Variants in TSPAN5 observed in about 807,000 individuals in gnomAD.
TSPAN5 encodes tetraspanin-5.
A neutral mutation model predicts 37.1 loss-of-function variants in TSPAN5; 10 were observed. The ratio of observed to expected loss-of-function variants is 0.27; its 90% confidence interval spans 0.17 to 0.46. The LOEUF is 0.46. Among genes scored for constraint, TSPAN5 ranks in the 20% least tolerant of loss-of-function variants. The pLI is 1.00. For missense variants in TSPAN5, 195 were observed against 326.6 expected, an observed-to-expected ratio of 0.60 and a Z score of 3.11; for synonymous variants, 110 against 118.9, an observed-to-expected ratio of 0.93 and a Z score of 0.48.
intron 1 of TSPAN5, among the ~76,000 whole-genome samples, chr4:98,654,923 T>C (rs1022601879): frequency 1.3e-5 from 2 of 152,184 alleles, no homozygotes; most frequent in African/African-American, 4.8e-5. Flanking sequence ...CTTGCCTCAC[T>C]GCAATCTCCA....
At chr4:98,542,439 G>A (rs1052399096) in intron 1 of TSPAN5, among the ~76,000 whole-genome samples, 1 of 151,364 alleles carries the variant, frequency 6.6e-6, no homozygotes, top group South Asian at 2.1e-4. Flanking sequence ...AGGCAGGCTG[G>A]GCATAGTGGC....
chr4:98,497,794 C>G (rs1390322462), intron 2 of TSPAN5, among the ~76,000 whole-genome samples: 2 of 152,128 alleles, frequency 1.3e-5, no homozygotes, highest in African/African-American at 4.8e-5. Context: ...GTGCATGGAG[C>G]AGAGGCACAA....
chr4:98,644,807 C>G (rs74583555), intron 1 of TSPAN5, among the ~76,000 whole-genome samples: 2,485 of 152,238 alleles, frequency 0.016, 83 homozygotes, highest in African/African-American at 0.057. Context: ...CCTTCTCATA[C>G]CTAAGATGTA....
chr4:98,556,817 A>T (rs191629808), intron 1 of TSPAN5, among the ~76,000 whole-genome samples: 3 of 152,320 alleles, frequency 2.0e-5, no homozygotes, highest in East Asian at 3.9e-4. Context: ...GGTCTTTTGA[A>T]GTCCAATTAT....
intron 1 of TSPAN5, among the ~76,000 whole-genome samples, chr4:98,578,370 TC>T (rs1755291566): frequency 6.6e-6 from 1 of 152,220 alleles, no homozygotes; most frequent in Non-Finnish European, 1.5e-5. Flanking sequence ...TCTTAGCTCT[TC>T]CCCAAATAAT....
intron 1 of TSPAN5, among the ~76,000 whole-genome samples, chr4:98,624,508 G>C (rs1756549696): frequency 6.6e-6 from 1 of 152,096 alleles, no homozygotes. Context: ...ATCTAGGTTG[G>C]GTTTTTCTGT....
intron 1 of TSPAN5, among the ~76,000 whole-genome samples, chr4:98,603,384 G>C (rs76760984): frequency 1.8e-4 from 27 of 152,122 alleles, no homozygotes; most frequent in Non-Finnish European, 3.7e-4. Flanking sequence ...CATTTACCCT[G>C]GGCCTTTTAT....
intron 2 of TSPAN5, among the ~76,000 whole-genome samples, chr4:98,487,791 AC>A (rs1420966258): frequency 6.6e-6 from 1 of 152,176 alleles, no homozygotes; most frequent in Admixed American, 6.5e-5. Flanking sequence ...AGAACACCAA[AC>A]GGACCTCGAG....
chr4:98,492,274 C>T (rs186334226), intron 2 of TSPAN5, among the ~76,000 whole-genome samples: 192 of 152,262 alleles, frequency 1.3e-3, no homozygotes, highest in African/African-American at 4.2e-3. Context: ...GTCATATTTC[C>T]TACCAAGTGG....
chr4:98,624,260 C>T (rs1040528328), intron 1 of TSPAN5, among the ~76,000 whole-genome samples: 2 of 151,194 alleles, frequency 1.3e-5, no homozygotes, highest in South Asian at 4.2e-4. Context: ...AATTGAAATA[C>T]AAACCTTTAA....
chr4:98,643,311 C>T (rs1022710013), intron 1 of TSPAN5, among the ~76,000 whole-genome samples: 1 of 151,986 alleles, frequency 6.6e-6, no homozygotes, highest in Non-Finnish European at 1.5e-5. Context: ...GGCTACACAC[C>T]GTCTATGTTT....
chr4:98,639,894 C>T (rs1528545), intron 1 of TSPAN5, among the ~76,000 whole-genome samples: 79,515 of 151,992 alleles, frequency 0.52, 21,141 homozygotes, highest in African/African-American at 0.61. Flanking sequence ...CCATTTATGA[C>T]AGTTAAAGGA....
rs184553626 is a variant in TSPAN5 at position 98,490,410 on chromosome 4, T to G, written c.133-3526A>C. On this transcript the variant is annotated intron_variant, in intron 2 of 7. Coordinates refer to ENST00000305798, the MANE Select transcript of TSPAN5 (RefSeq NM_005723.4). Reference sequence around the variant, plus strand: ...ATTGGCTTCTCAGACAAACTCATTTTAATACTTACTCTCTCCAGCCTTCAG... The same window carrying G: ...ATTGGCTTCTCAGACAAACTCATTTGAATACTTACTCTCTCCAGCCTTCAG... 9.2e-5 allele frequency among the ~76,000 whole-genome samples: 14 copies of G among 152,350 alleles called. No individual in the cohort carries two copies. In the East Asian group the frequency reaches 1.7e-3, roughly 19 times the overall value.
chr4:98,488,724 T>C (rs985836038), intron 2 of TSPAN5, among the ~76,000 whole-genome samples: 1 of 152,134 alleles, frequency 6.6e-6, no homozygotes, highest in African/African-American at 2.4e-5. Context: ...ATACAAATGA[T>C]GCTGAGAAAA....
intron 1 of TSPAN5, among the ~76,000 whole-genome samples, chr4:98,562,079 C>T (rs996458366): frequency 5.9e-5 from 9 of 152,160 alleles, no homozygotes; most frequent in African/African-American, 2.2e-4. Context: ...AGAACAGGCC[C>T]TGCACTTTGC....
intron 1 of TSPAN5, among the ~76,000 whole-genome samples, chr4:98,589,265 G>A (rs189448540): frequency 4.6e-5 from 7 of 152,270 alleles, no homozygotes; most frequent in Admixed American, 2.0e-4. Context: ...GCAAATTGGC[G>A]CAAACATATA....
At chr4:98,556,131 C>A (rs1310619518) in intron 1 of TSPAN5, among the ~76,000 whole-genome samples, 1 of 150,110 alleles carries the variant, frequency 6.7e-6, no homozygotes, top group Non-Finnish European at 1.5e-5. Flanking sequence ...TGGGACTTCA[C>A]AATCCTTACA....
At chr4:98,589,984 G>T (rs1560549540) in intron 1 of TSPAN5, among the ~76,000 whole-genome samples, 2 of 152,064 alleles carry the variant, frequency 1.3e-5, no homozygotes, top group African/African-American at 4.8e-5. Context: ...TACAGGAAAG[G>T]TGCTACCAAT....
Position 98,476,254 on chromosome 4 carries a change from C to T in TSPAN5, c.676G>A (p.Glu226Lys). 6.2e-7 allele frequency: 1 copy of T among 1,614,252 alleles called. No homozygotes were observed. Among genetic ancestry groups the T allele is most frequent in the Non-Finnish European group, 8.5e-7 (1 of 1,180,054 alleles). ...GTTAAATTGTCCTGCAACCACTTCT[C>T]AAACTGGGGCACACAGCCTTTCGTG... Reference protein sequence around the residue: ...IYTKGCVPQFEKWLQDNLTIV... With the variant: ...IYTKGCVPQFKKWLQDNLTIV... The change falls in exon 7 of 8, where the codon GAG (glutamate) becomes AAG (lysine). Residue 226 changes from glutamate to lysine, a missense_variant. Coordinates refer to ENST00000305798, the MANE Select transcript of TSPAN5 (RefSeq NM_005723.4).
Sources: gnomAD v4.1 joint callset for allele counts (sites outside exome capture counted in the v4.1 genomes callset) on GRCh38, gnomAD v4.1.1 for gene constraint, MANE v1.5 for transcripts, NCBI Gene and HGNC (gene_info 2026-07-23, HGNC 2026-07-21) for gene names.